Variants in GRIA2 observed in about 807,000 individuals in gnomAD.
The protein encoded by GRIA2 is glutamate receptor 2.
In GRIA2, 14 loss-of-function variants were observed where a neutral mutation model predicts 97.3. The ratio of observed to expected loss-of-function variants is 0.14; its 90% CI spans 0.10 to 0.23. The LOEUF (loss-of-function observed/expected upper bound fraction) is 0.23, where lower values mean the gene tolerates loss of function less well. GRIA2 is among the 10% of genes least tolerant of loss of function. The pLI is 1.00. For synonymous variants in GRIA2, 412 were observed against 387.8 expected, an observed-to-expected ratio of 1.06 and a Z score of -0.73; for missense variants, 558 against 1,069.8, an observed-to-expected ratio of 0.52 and a Z score of 6.67.
intron 2 of GRIA2, 60 bp downstream of exon 2, chr4:157,221,867 T>G: frequency 6.7e-7 from 1 of 1,487,984 alleles, no homozygotes; most frequent in Non-Finnish European, 9.3e-7. Context: ...CGAGTGTGAG[T>G]GTGTGTGTGC....
chr4:157,239,279 C>T (rs1405327262), intron 2 of GRIA2, among the ~76,000 whole-genome samples: 3 of 152,014 alleles, frequency 2.0e-5, no homozygotes, highest in Non-Finnish European at 4.4e-5. Context: ...CTAATCAAAA[C>T]GTATTTAATT....
Position 157,221,658 on chromosome 4 carries a change from T to C in GRIA2, c.89-9T>C, listed in dbSNP as rs775714722. 3 of 1,613,840 alleles carry C rather than the reference T, an allele frequency of 1.9e-6. No individual in the cohort carries two copies. Among genetic ancestry groups the C allele is most frequent in the African/African-American group, 2.7e-5 (2 of 75,042 alleles). On this transcript the variant is annotated splice_polypyrimidine_tract_variant and intron_variant, in intron 1 of 15. Coordinates refer to ENST00000264426, the MANE Select transcript of GRIA2 (RefSeq NM_001083619.3). ...CACTGTTCTCTTGCTTGCTGTTTGTTCTTTGCAGGGGGGCTATTTCCTAGG... is the reference window on the plus strand; with the variant it reads ...CACTGTTCTCTTGCTTGCTGTTTGTCCTTTGCAGGGGGGCTATTTCCTAGG...
intron 2 of GRIA2, among the ~76,000 whole-genome samples, chr4:157,237,664 A>G (rs1048895898): frequency 6.6e-6 from 1 of 152,128 alleles, no homozygotes; most frequent in African/African-American, 2.4e-5. Context: ...AAGAAAATTA[A>G]AACTGTATTA....
intron 4 of GRIA2, among the ~76,000 whole-genome samples, chr4:157,314,187 T>C (rs968172734): frequency 1.3e-5 from 2 of 152,140 alleles, no homozygotes; most frequent in African/African-American, 2.4e-5. Flanking sequence ...TGCCTTAGAA[T>C]ACTGTGGAAG....
At chr4:157,264,689 T>C (rs1024835612) in intron 2 of GRIA2, among the ~76,000 whole-genome samples, 6 of 152,012 alleles carry the variant, frequency 3.9e-5, no homozygotes, top group Admixed American at 2.0e-4. Context: ...GAAAAGGAAA[T>C]AAGAAGATGG....
chr4:157,294,708 A>T (rs1733263544), intron 2 of GRIA2, among the ~76,000 whole-genome samples: 1 of 152,150 alleles, frequency 6.6e-6, no homozygotes, highest in African/African-American at 2.4e-5. Context: ...AGGCCCAAGT[A>T]TGAGCTTTGA....
At chr4:157,283,109 A>G (rs1271251210) in intron 2 of GRIA2, among the ~76,000 whole-genome samples, 5 of 151,990 alleles carry the variant, frequency 3.3e-5, no homozygotes, top group African/African-American at 4.8e-5. Flanking sequence ...AAACTTTCCT[A>G]TTATATTTTT....
At chr4:157,353,684 A>AAAAC (rs530568509) in intron 12 of GRIA2, among the ~76,000 whole-genome samples, 10 of 152,076 alleles carry the variant, frequency 6.6e-5, no homozygotes, top group Admixed American at 1.3e-4. Context: ...CTCCGTCTCA[A>AAAAC]AAACAAACAA....
At chr4:157,230,594 C>CCTTT (rs1273157521) in intron 2 of GRIA2, among the ~76,000 whole-genome samples, 73 of 149,460 alleles carry the variant, frequency 4.9e-4, no homozygotes, top group African/African-American at 1.5e-3. Flanking sequence ...TTCCTTCCTT[C>CCTTT]CTTCTTCCTT....
intron 9 of GRIA2, 99 bp from the exon 10 acceptor site, chr4:157,335,572 T>A: frequency 1.4e-6 from 1 of 723,024 alleles, no homozygotes; most frequent in Middle Eastern, 2.5e-4. Context: ...TCATTCACTC[T>A]GGCTAATGGG....
At chr4:157,245,053 A>T (rs953330937) in intron 2 of GRIA2, among the ~76,000 whole-genome samples, 1 of 152,094 alleles carries the variant, frequency 6.6e-6, no homozygotes, top group African/African-American at 2.4e-5. Context: ...CTAAAAATTT[A>T]TATTTTTCTC....
chr4:157,360,941 TA>T (rs1040051595), intron 13 of GRIA2, 68 bp from the exon 14 acceptor site: 495 of 1,174,266 alleles, frequency 4.2e-4, no homozygotes, highest in Non-Finnish European at 5.8e-4. Context: ...AAAAACAAAT[TA>T]AAACAAAACA....
intron 4 of GRIA2, among the ~76,000 whole-genome samples, chr4:157,314,624 C>T (rs565027104): frequency 6.6e-6 from 1 of 152,032 alleles, no homozygotes; most frequent in Non-Finnish European, 1.5e-5. Flanking sequence ...GGATTCATGA[C>T]TCATCATAAT....
At chr4:157,346,100 A>C (rs933826846) in intron 12 of GRIA2, among the ~76,000 whole-genome samples, 4 of 152,130 alleles carry the variant, frequency 2.6e-5, no homozygotes, top group Non-Finnish European at 5.9e-5. Flanking sequence ...ATTACAAGAG[A>C]ATTAAAATAA....
rs1196056220 is a variant in GRIA2, at chr4:157,355,622, A to ATATATTTATTTATG, written c.2044-4261_2044-4260insGTATATTTATTTAT. 5.4e-4 allele frequency among the ~76,000 whole-genome samples: 74 copies of ATATATTTATTTATG among 137,362 alleles called. 1 individual carries two copies. The East Asian group carries it at 0.013, about 23-fold the overall frequency. 90.1% of individuals were successfully genotyped at this position (137,362 alleles called of 152,430 possible). A position where few individuals can be genotyped will look rare whatever the true frequency, so the allele number is the denominator to read the frequency against. ...TATATATTTATATATATTTATTTAT[A>ATATATTTATTTATG]TATATTTATTTATATATATTTATTT... On this transcript the variant is annotated intron_variant, in intron 12 of 15. Transcript: ENST00000264426.
chr4:157,335,326 T>A, intron 9 of GRIA2: 1 of 286,728 alleles, frequency 3.5e-6, no homozygotes, highest in Non-Finnish European at 6.8e-6. Flanking sequence ...GTGTGGTGAA[T>A]CCAAACTTGA....
chr4:157,362,392 C>T (rs1191733589), intron 14 of GRIA2: 1 of 457,468 alleles, frequency 2.2e-6, no homozygotes, highest in African/African-American at 2.0e-5. Context: ...TCTACAATCA[C>T]ACGTATGGTT....
At chr4:157,363,388 A>C in intron 15 of GRIA2, 47 bp from the exon 16 acceptor site, 5 of 1,186,162 alleles carry the variant, frequency 4.2e-6, no homozygotes, top group Non-Finnish European at 5.3e-6. Flanking sequence ...TTTGAAAACC[A>C]TAACGTATGA....
intron 2 of GRIA2, among the ~76,000 whole-genome samples, chr4:157,299,645 ATTG>A: frequency 6.6e-6 from 1 of 152,156 alleles, no homozygotes; most frequent in Admixed American, 6.6e-5. Context: ...CACCATCAGC[ATTG>A]TTGTTGGCTT....
Sources: gnomAD v4.1 joint callset for allele counts (sites outside exome capture counted in the v4.1 genomes callset) on GRCh38, gnomAD v4.1.1 for gene constraint, MANE v1.5 for transcripts, NCBI Gene and HGNC (gene_info 2026-07-23, HGNC 2026-07-21) for gene names.